Variants in SDK1 observed in about 807,000 individuals in gnomAD.
SDK1 encodes the protein sidekick cell adhesion molecule 1.
In SDK1, 157 loss-of-function variants were observed where a neutral mutation model predicts 245.5. That is an observed-to-expected ratio of 0.64 (90% CI 0.56 to 0.73). The LOEUF is 0.73. Ranked by LOEUF, SDK1 falls within the 30% of genes least tolerant of loss-of-function variation. The pLI is 0.00. For missense variants in SDK1, 3,583 were observed against 3,002.3 expected (o/e 1.19, Z -4.52); for synonymous variants, 1,647 against 1,278.5 (o/e 1.29, Z -6.15).
At chr7:3,662,497 T>C (rs922137511) in intron 4 of SDK1, among the ~76,000 whole-genome samples, 2 of 152,154 alleles carry the variant, frequency 1.3e-5, no homozygotes, top group African/African-American at 4.8e-5. Flanking sequence ...AAGCCCCATT[T>C]AGCAAGGCAG....
intron 1 of SDK1, among the ~76,000 whole-genome samples, chr7:3,543,763 G>C (rs1376220739): frequency 6.6e-6 from 1 of 152,116 alleles, no homozygotes; most frequent in Admixed American, 6.5e-5. Context: ...ATTGATGTTC[G>C]TATGTTGTGA....
intron 5 of SDK1, among the ~76,000 whole-genome samples, chr7:3,860,152 C>CCTCG (rs2115116457): frequency 6.6e-6 from 1 of 152,138 alleles, no homozygotes; most frequent in African/African-American, 2.4e-5. Context: ...ACTCTCCTGA[C>CCTCG]CTCGTGATCC....
chr7:4,161,753 C>G (rs376434297), intron 31 of SDK1, 33 bp from the exon 32 acceptor site: 103 of 1,593,436 alleles, frequency 6.5e-5, no homozygotes, highest in Non-Finnish European at 8.4e-5. Context: ...AACAACCACC[C>G]TGACCCCCGC....
chr7:3,475,994 A>G (rs1197367667), intron 1 of SDK1: 3 of 152,632 alleles, frequency 2.0e-5, no homozygotes, highest in Admixed American at 6.5e-5. Context: ...CCTGCTTATT[A>G]TCTTTTGGTA....
At chr7:3,607,950 G>C (rs1256440422) in intron 1 of SDK1, among the ~76,000 whole-genome samples, 1 of 152,216 alleles carries the variant, frequency 6.6e-6, no homozygotes, top group Non-Finnish European at 1.5e-5. Context: ...CCCTTTGCAG[G>C]GGGCGGCCAC....
chr7:3,545,477 C>T (rs1258696107), intron 1 of SDK1, among the ~76,000 whole-genome samples: 1 of 152,230 alleles, frequency 6.6e-6, no homozygotes, highest in Non-Finnish European at 1.5e-5. Flanking sequence ...GTCTCAGTTA[C>T]TCCTCATCCT....
intron 1 of SDK1, among the ~76,000 whole-genome samples, chr7:3,376,021 T>G (rs755479684): frequency 2.6e-5 from 4 of 152,200 alleles, no homozygotes; most frequent in African/African-American, 9.6e-5. Context: ...GGATTCTTAC[T>G]GAATTCTGCA....
chr7:4,099,291 C>T (rs1323150357), intron 22 of SDK1, among the ~76,000 whole-genome samples: 2 of 150,944 alleles, frequency 1.3e-5, no homozygotes, highest in Admixed American at 1.3e-4. Flanking sequence ...ATTGGAAAGA[C>T]AGTTTGTTGC....
chr7:4,081,824 A>G (rs1484191503), intron 22 of SDK1, among the ~76,000 whole-genome samples: 2 of 152,116 alleles, frequency 1.3e-5, no homozygotes, highest in Non-Finnish European at 2.9e-5. Context: ...GATCCTCAAG[A>G]TTTTGCTGCA....
In SDK1 at chr7:3,390,079, G is replaced by T. The variant is rs1007351412; in HGVS notation, c.298+88195G>T. On this transcript the variant is annotated intron_variant, in intron 1 of 44. Coordinates refer to ENST00000404826, the MANE Select transcript of SDK1 (RefSeq NM_152744.4). The stretch of plus-strand genomic sequence containing the variant: ...TCTACGGAAAGCAGAATTTGTAAGT[G>T]ATGAAGTTGGCTATTTAGGAGGAGA... Among the ~76,000 whole-genome samples the T allele has an allele frequency of 2.6e-5, 4 of 152,152 alleles. 1 individual carries two copies. Among genetic ancestry groups the T allele is most frequent in the African/African-American group, 9.7e-5 (4 of 41,432 alleles).
chr7:3,750,995 ACTGT>A (rs1323633294), intron 4 of SDK1, among the ~76,000 whole-genome samples: 1 of 152,100 alleles, frequency 6.6e-6, no homozygotes, highest in African/African-American at 2.4e-5. Context: ...CCTTTTGAGA[ACTGT>A]CTTTTTCCTT....
At chr7:3,614,809 C>T (rs1251789678) in intron 1 of SDK1, among the ~76,000 whole-genome samples, 3 of 151,962 alleles carry the variant, frequency 2.0e-5, no homozygotes, top group Non-Finnish European at 4.4e-5. Flanking sequence ...TTTCCCTTCC[C>T]TTCTCCTTAT....
intron 5 of SDK1, among the ~76,000 whole-genome samples, chr7:3,830,015 C>A (rs1436387265): frequency 1.3e-5 from 2 of 152,104 alleles, no homozygotes; most frequent in Non-Finnish European, 2.9e-5. Flanking sequence ...GTTTTGTTAT[C>A]AGTAATGCAT....
intron 22 of SDK1, among the ~76,000 whole-genome samples, chr7:4,107,591 C>A (rs948736288): frequency 1.3e-4 from 20 of 152,022 alleles, no homozygotes; most frequent in African/African-American, 4.6e-4. Flanking sequence ...CCACCTAAGT[C>A]ACCGAGGACT....
At chr7:3,717,439 C>T (rs1202146510) in intron 4 of SDK1, among the ~76,000 whole-genome samples, 1 of 152,082 alleles carries the variant, frequency 6.6e-6, no homozygotes, top group Non-Finnish European at 1.5e-5. Flanking sequence ...CAACTAAGGG[C>T]ATGCTGAGAG....
chr7:4,102,549 CCATGTGCAGAATTACCTTTGGGAT>C (rs887601813), intron 22 of SDK1, among the ~76,000 whole-genome samples: 5 of 152,198 alleles, frequency 3.3e-5, no homozygotes, highest in Admixed American at 1.3e-4. Flanking sequence ...TGCTTCCTCT[CCATGTGCAGAATTACCTTTGGGAT>C]GAGGTTAATG....
At chr7:3,664,759 T>C (rs1054957883) in intron 4 of SDK1, among the ~76,000 whole-genome samples, 4 of 147,554 alleles carry the variant, frequency 2.7e-5, no homozygotes, top group African/African-American at 7.5e-5. Context: ...AAAAAAAAAT[T>C]GAGAACTAGC....
At chr7:3,505,916 C>T (rs1047559806) in intron 1 of SDK1, among the ~76,000 whole-genome samples, 6 of 152,034 alleles carry the variant, frequency 3.9e-5, no homozygotes, top group Non-Finnish European at 8.8e-5. Context: ...CTTCCTGCCC[C>T]TTGTGCAATT....
At chr7:3,559,345 G>A (rs998676133) in intron 1 of SDK1, among the ~76,000 whole-genome samples, 3 of 152,080 alleles carry the variant, frequency 2.0e-5, no homozygotes, top group Admixed American at 6.5e-5. Flanking sequence ...TATTGTCCGC[G>A]GTTATGCAGC....
Sources: gnomAD v4.1 joint callset for allele counts (sites outside exome capture counted in the v4.1 genomes callset) on GRCh38, gnomAD v4.1.1 for gene constraint, MANE v1.5 for transcripts, NCBI Gene and HGNC (gene_info 2026-07-23, HGNC 2026-07-21) for gene names.